The following MBD5 variants were observed in gnomAD, a reference collection of about 807,000 sequenced individuals.
MBD5 encodes the protein methyl-CpG-binding domain protein 5.
A neutral mutation model predicts 117.3 loss-of-function variants in MBD5; 13 were observed. That is an observed-to-expected ratio of 0.11 (90% confidence interval 0.07 to 0.18). The LOEUF is 0.18. Among genes scored for constraint, MBD5 ranks in the 10% least tolerant of loss-of-function variants. MBD5 has a pLI of 1.00. For missense variants in MBD5, 1,879 were observed against 2,093.8 expected (o/e 0.90, Z 2.00); for synonymous variants, 727 against 766.4 (o/e 0.95, Z 0.85).
In MBD5 at chr2:148,058,851, C is replaced by T. The variant is rs555722343; in HGVS notation, c.-925+37167C>T. ...CTTCCTGCCAGAATGCATTTTTTTG[C>T]GTATTAAACATGGCATTCCAGAAGA... On this transcript the variant is annotated intron_variant, in intron 1 of 13. Transcript: ENST00000642680. 7.2e-5 allele frequency among the ~76,000 whole-genome samples: 11 copies of T among 152,160 alleles called. No homozygotes were observed. The South Asian group carries it at 1.0e-3, about 14-fold the overall frequency.
At chr2:148,300,211 C>T (rs759312642) in intron 3 of MBD5, among the ~76,000 whole-genome samples, 1 of 152,122 alleles carries the variant, frequency 6.6e-6, no homozygotes, top group Non-Finnish European at 1.5e-5. Context: ...CCCACCACCA[C>T]ATCCAGCTAA....
intron 4 of MBD5, among the ~76,000 whole-genome samples, chr2:148,358,034 C>CCCA (rs1410086815): frequency 6.6e-6 from 1 of 152,166 alleles, no homozygotes; most frequent in African/African-American, 2.4e-5. Flanking sequence ...AATCTGTTTT[C>CCCA]CTGCTCACAT....
chr2:148,369,811 G>A (rs1427875060), intron 4 of MBD5, among the ~76,000 whole-genome samples: 1 of 152,010 alleles, frequency 6.6e-6, no homozygotes, highest in Non-Finnish European at 1.5e-5. Context: ...TTATATTTGT[G>A]AGCCATGTTA....
intron 4 of MBD5, among the ~76,000 whole-genome samples, chr2:148,372,625 T>G (rs1012275355): frequency 6.6e-6 from 1 of 151,910 alleles, no homozygotes; most frequent in East Asian, 1.9e-4. Context: ...AAGATAGTAG[T>G]GGTGAATTTG....
At chr2:148,412,272 T>TTTTGTGTGTGTG (rs946184910) in intron 4 of MBD5, among the ~76,000 whole-genome samples, 59 of 144,582 alleles carry the variant, frequency 4.1e-4, no homozygotes, top group African/African-American at 1.3e-3. Flanking sequence ...AGTATACTTT[T>TTTTGTGTGTGTG]TGTGTGTGTG....
At chr2:148,156,933 G>C (rs889892006) in intron 1 of MBD5, among the ~76,000 whole-genome samples, 1 of 152,078 alleles carries the variant, frequency 6.6e-6, no homozygotes, top group African/African-American at 2.4e-5. Flanking sequence ...CTCTTCCATA[G>C]CTAGCACAGT....
chr2:148,462,821 TG>T lies in MBD5; in HGVS notation c.216+138del, dbSNP rs1268919267. On this transcript the variant is annotated intron_variant, in intron 6 of 13. Transcript: ENST00000642680. ...AATTCTTTATCTAATTCTCATATTT[TG>T]CATGTGTTTTGGAATGCTTAAAAAT... The T allele has an allele frequency of 4.5e-6, 3 of 671,506 alleles. No individual in the cohort carries two copies. The Admixed American group carries it at 7.8e-5, about 17-fold the overall frequency. The allele number at this position is 671,506 out of a possible 1,614,324, so 41.6% of individuals were successfully genotyped here.
chr2:148,440,291 C>T (rs921990878), intron 4 of MBD5, among the ~76,000 whole-genome samples: 2 of 152,074 alleles, frequency 1.3e-5, no homozygotes, highest in South Asian at 2.1e-4. Flanking sequence ...CTTTCTAATC[C>T]TTAGTTCACT....
chr2:148,494,879 C>G (rs542788326), intron 11 of MBD5, among the ~76,000 whole-genome samples: 1 of 152,088 alleles, frequency 6.6e-6, no homozygotes, highest in Admixed American at 6.5e-5. Context: ...AGGAAAATGC[C>G]GTGAACCCGG....
intron 4 of MBD5, among the ~76,000 whole-genome samples, chr2:148,447,240 AGGAG>A (rs1258195244): frequency 1.3e-4 from 15 of 115,952 alleles, no homozygotes; most frequent in African/African-American, 3.7e-4. Flanking sequence ...AGAAAGGGAA[AGGAG>A]GGAGGGAGGA....
At chr2:148,172,410 A>T (rs569613961) in intron 1 of MBD5, among the ~76,000 whole-genome samples, 39 of 152,340 alleles carry the variant, frequency 2.6e-4, no homozygotes, top group African/African-American at 9.4e-4. Flanking sequence ...GGGGCTGTGC[A>T]GACATGCCAG....
chr2:148,258,661 G>A (rs1700653001), intron 3 of MBD5, among the ~76,000 whole-genome samples: 1 of 152,188 alleles, frequency 6.6e-6, no homozygotes, highest in South Asian at 2.1e-4. Flanking sequence ...TCCCCCTTGG[G>A]CATTTTCTGG....
intron 1 of MBD5, among the ~76,000 whole-genome samples, chr2:148,159,766 A>G (rs1420907985): frequency 2.0e-5 from 3 of 152,146 alleles, no homozygotes; most frequent in Non-Finnish European, 1.5e-5. Flanking sequence ...TTCCCTTTGC[A>G]GGTACTAACC....
chr2:148,404,658 C>T (rs1205879859), intron 4 of MBD5, among the ~76,000 whole-genome samples: 1 of 152,158 alleles, frequency 6.6e-6, no homozygotes, highest in Non-Finnish European at 1.5e-5. Flanking sequence ...CTAGGGATCA[C>T]TTCATTTGTT....
intron 3 of MBD5, among the ~76,000 whole-genome samples, chr2:148,339,922 G>A (rs1409056706): frequency 6.6e-6 from 1 of 152,010 alleles, no homozygotes; most frequent in African/African-American, 2.4e-5. Context: ...TATACCTGCT[G>A]TGTAATTCCC....
intron 1 of MBD5, among the ~76,000 whole-genome samples, chr2:148,061,077 G>T (rs1695023677): frequency 6.6e-6 from 1 of 151,952 alleles, no homozygotes; most frequent in African/African-American, 2.4e-5. Flanking sequence ...TTTTGCCAAG[G>T]TATTTAAAAA....
intron 7 of MBD5, among the ~76,000 whole-genome samples, chr2:148,466,934 G>A (rs1482870269): frequency 6.6e-6 from 1 of 152,164 alleles, no homozygotes; most frequent in Non-Finnish European, 1.5e-5. Context: ...ATAGTGTCTA[G>A]CAGATAGGAA....
chr2:148,246,004 C>T (rs2106217624), intron 3 of MBD5, among the ~76,000 whole-genome samples: 1 of 152,148 alleles, frequency 6.6e-6, no homozygotes, highest in East Asian at 1.9e-4. Flanking sequence ...AAAATGAAGT[C>T]ATAGGATACA....
chr2:148,512,769 C>A, intron 13 of MBD5, 101 bp from the exon 14 acceptor site: 2 of 1,060,768 alleles, frequency 1.9e-6, no homozygotes, highest in Non-Finnish European at 2.9e-6. Flanking sequence ...AAAGTGAAAG[C>A]CAGAGTCTAT....
Sources: allele counts gnomAD v4.1 joint callset (sites outside exome capture counted in the v4.1 genomes callset), GRCh38; gene constraint gnomAD v4.1.1; transcripts MANE v1.5; gene names NCBI Gene and HGNC (gene_info 2026-07-23, HGNC 2026-07-21).